The following FAF1 variants were observed in gnomAD, a reference collection of about 807,000 sequenced individuals.
FAF1 encodes the protein FAS-associated factor 1.
A neutral mutation model predicts 92.5 loss-of-function variants in FAF1; 25 were observed. That is an observed-to-expected ratio of 0.27 (90% CI 0.20 to 0.38). The LOEUF (loss-of-function observed/expected upper bound fraction) is 0.38. Ranked by LOEUF, FAF1 falls within the 10% of genes least tolerant of loss-of-function variation. The pLI is 1.00. For missense variants in FAF1, 636 were observed against 793.3 expected, an observed-to-expected ratio of 0.80 and a Z score of 2.38; for synonymous variants, 234 against 273.2, an observed-to-expected ratio of 0.86 and a Z score of 1.42.
In FAF1 at chr1:50,447,414, C is replaced by T. The variant is rs190639625; in HGVS notation, c.1870-5891G>A. Among the ~76,000 whole-genome samples, 14 of 152,214 alleles carry T rather than the reference C, an allele frequency of 9.2e-5. No homozygotes were observed. The East Asian group carries it at 2.3e-3, about 25-fold the overall frequency. On this transcript the variant is annotated intron_variant, in intron 18 of 18. Coordinates refer to ENST00000396153, the MANE Select transcript of FAF1 (RefSeq NM_007051.3). ...TGCTGGGATTACAGGCGTGAGCCAC[C>T]GCGCCTGGCCTATTCCTGCTTTTAA...
At chr1:50,693,200 G>A (rs1657015754) in intron 7 of FAF1, among the ~76,000 whole-genome samples, 1 of 152,064 alleles carries the variant, frequency 6.6e-6, no homozygotes, top group Non-Finnish European at 1.5e-5. Context: ...TTAAGTCTTA[G>A]ATTTGGATCT....
intron 17 of FAF1, among the ~76,000 whole-genome samples, chr1:50,476,311 T>C (rs1392590169): frequency 5.3e-5 from 8 of 152,316 alleles, no homozygotes; most frequent in African/African-American, 1.9e-4. Flanking sequence ...TGGAAAGAAC[T>C]TCAAATATCA....
intron 1 of FAF1, among the ~76,000 whole-genome samples, chr1:50,940,793 C>T (rs186900322): frequency 6.6e-6 from 1 of 152,298 alleles, no homozygotes; most frequent in Admixed American, 6.5e-5. Flanking sequence ...TACGTAATCT[C>T]AGTAGCAACC....
chr1:50,942,801 A>G (rs933407407), intron 1 of FAF1, among the ~76,000 whole-genome samples: 4 of 151,686 alleles, frequency 2.6e-5, no homozygotes, highest in Non-Finnish European at 4.4e-5. Context: ...CCCAAGGCCA[A>G]TTTCCCATAG....
chr1:50,632,829 C>CTAGG (rs1653850799), intron 8 of FAF1, among the ~76,000 whole-genome samples: 1 of 152,094 alleles, frequency 6.6e-6, no homozygotes, highest in Non-Finnish European at 1.5e-5. Context: ...CTTTAACAGT[C>CTAGG]TAGGTGAAAG....
chr1:50,916,227 G>T (rs1202174707), intron 1 of FAF1, among the ~76,000 whole-genome samples: 1 of 152,116 alleles, frequency 6.6e-6, no homozygotes, highest in African/African-American at 2.4e-5. Context: ...ATTTACTGTT[G>T]ATATTATTCA....
chr1:50,912,235 T>A (rs937552142), intron 1 of FAF1, among the ~76,000 whole-genome samples: 5 of 152,128 alleles, frequency 3.3e-5, no homozygotes, highest in Non-Finnish European at 5.9e-5. Flanking sequence ...TGTATTAAAG[T>A]GTTTACGGTG....
At chr1:50,850,619 TC>T (rs1644340336) in intron 2 of FAF1, among the ~76,000 whole-genome samples, 2 of 151,880 alleles carry the variant, frequency 1.3e-5, no homozygotes, top group South Asian at 4.2e-4. Flanking sequence ...AACTAAAGCA[TC>T]AAATTAAATC....
At chr1:50,557,907 C>CTTTAT (rs1649667009) in intron 13 of FAF1, among the ~76,000 whole-genome samples, 1 of 150,408 alleles carries the variant, frequency 6.6e-6, no homozygotes, top group Non-Finnish European at 1.5e-5. Flanking sequence ...TTATAAATAT[C>CTTTAT]TTATTTATTT....
chr1:50,923,482 C>T (rs1395849780), intron 1 of FAF1, among the ~76,000 whole-genome samples: 1 of 152,096 alleles, frequency 6.6e-6, no homozygotes, highest in Non-Finnish European at 1.5e-5. Context: ...GATGGCTTCA[C>T]TGCTGAATTC....
chr1:50,619,973 A>G (rs560800982), intron 8 of FAF1, among the ~76,000 whole-genome samples: 1 of 151,058 alleles, frequency 6.6e-6, no homozygotes, highest in Admixed American at 6.6e-5. Flanking sequence ...CAATGGCACA[A>G]TCTCGGCTCA....
chr1:50,592,088 G>A (rs892458488), intron 9 of FAF1, among the ~76,000 whole-genome samples: 2 of 152,086 alleles, frequency 1.3e-5, no homozygotes, highest in African/African-American at 4.8e-5. Flanking sequence ...AAACATTCTT[G>A]AAAGTTACAA....
At chr1:50,862,012 C>T (rs1260418229) in intron 1 of FAF1, among the ~76,000 whole-genome samples, 6 of 151,300 alleles carry the variant, frequency 4.0e-5, no homozygotes, top group South Asian at 2.1e-4. Flanking sequence ...GACAAATAGA[C>T]TAAGACAGGA....
intron 8 of FAF1, among the ~76,000 whole-genome samples, chr1:50,629,197 C>G (rs1553122762): frequency 7.9e-6 from 1 of 126,514 alleles, no homozygotes; most frequent in Non-Finnish European, 1.6e-5. Context: ...CGGAGTTTCA[C>G]TCTTTCTTGT....
Position 50,738,906 on chromosome 1 carries a change from G to A in FAF1, c.508C>T (p.Leu170Phe). The change falls in exon 6 of 19, where the codon CTT (leucine) becomes TTT (phenylalanine). Residue 170 changes from leucine (L) to phenylalanine (F), a missense_variant. Around this residue, in one of 2 missense-constraint regions of FAF1, gnomAD observed 317 missense variants for 342.4 expected, o/e 0.93. Transcript: ENST00000396153. ...HLPKNNSLYV[L>F]TPDLPPPSSS... The stretch of plus-strand genomic sequence containing the variant: ...GAAGGTGGTGGCAAATCTGGTGTAA[G>A]GACATAAAGACTGTTGTTTTTTGGC... 1 of 1,610,006 alleles carries A rather than the reference G, an allele frequency of 6.2e-7. No individual in the cohort carries two copies.
intron 15 of FAF1, among the ~76,000 whole-genome samples, chr1:50,500,868 TC>T (rs1251160255): frequency 6.6e-6 from 1 of 152,148 alleles, no homozygotes; most frequent in Non-Finnish European, 1.5e-5. Flanking sequence ...AAGCTGTTCA[TC>T]TAACAGTAGA....
intron 8 of FAF1, among the ~76,000 whole-genome samples, chr1:50,647,189 G>A (rs886827597): frequency 2.0e-5 from 3 of 152,124 alleles, no homozygotes; most frequent in African/African-American, 7.2e-5. Context: ...GGTGGAGGAA[G>A]CTTAACCTAA....
At chr1:50,503,330 T>A (rs1647015024) in intron 15 of FAF1, among the ~76,000 whole-genome samples, 2 of 152,084 alleles carry the variant, frequency 1.3e-5, no homozygotes, top group South Asian at 2.1e-4. Flanking sequence ...TGTATAGATA[T>A]TGTTAATGGG....
At chr1:50,525,089 T>C (rs973356707) in intron 15 of FAF1, among the ~76,000 whole-genome samples, 1 of 152,200 alleles carries the variant, frequency 6.6e-6, no homozygotes, top group Non-Finnish European at 1.5e-5. Flanking sequence ...TTTCTCCATG[T>C]TGGTCAGGCT....
Sources: allele counts gnomAD v4.1 joint callset (sites outside exome capture counted in the v4.1 genomes callset), GRCh38; gene constraint gnomAD v4.1.1; regional missense constraint gnomAD v4.1.1; transcripts MANE v1.5; gene names NCBI Gene and HGNC (gene_info 2026-07-23, HGNC 2026-07-21).